LRP5: variants seen among roughly 807,000 people sequenced by gnomAD.
LRP5 encodes the protein LDL receptor related protein 5.
LRP5 carries 62 observed loss-of-function variants against 154.1 expected under a neutral mutation model. The observed-to-expected ratio is 0.40, with a 90% CI of 0.33 to 0.50. The LOEUF (loss-of-function observed/expected upper bound fraction) is 0.50. Among genes scored for constraint, LRP5 ranks in the 20% least tolerant of loss-of-function variants. The probability of loss-of-function intolerance (pLI) is 0.55; values close to 1 mark genes in which losing one functional copy is unlikely to be tolerated. For missense variants in LRP5, 1,915 were observed against 2,336.7 expected (o/e 0.82, Z 3.72); for synonymous variants, 966 against 1,011.5 (o/e 0.96, Z 0.85).
upstream of LRP5, among the ~76,000 whole-genome samples, chr11:68,310,573 T>C (rs556965789): frequency 6.6e-6 from 1 of 151,926 alleles, no homozygotes; most frequent in Admixed American, 6.6e-5. Flanking sequence ...TGAGCCAAGA[T>C]TGCCCCACTG....
At position 68,386,196 on chromosome 11, in the gene LRP5, C is replaced by A; in HGVS notation, c.1016-120C>A. On this transcript the variant is annotated intron_variant, in intron 5 of 22. Transcript: ENST00000294304. The surrounding 1 kb of genome is among the most constrained non-coding windows in gnomAD (Gnocchi z 7.9). The stretch of plus-strand genomic sequence containing the variant: ...GTGCGTGTCACCTAACATCACCAGC[C>A]TTTGCAAGGAGAGCCCTGGGGGCCT... 1.6e-6 allele frequency: 2 copies of A among 1,272,678 alleles called. No homozygotes were observed. Among genetic ancestry groups the A allele is most frequent in the Admixed American group, 3.5e-5 (2 of 57,850 alleles). The allele number at this position is 1,272,678 out of a possible 1,614,324, so 78.8% of individuals were successfully genotyped here.
chr11:68,317,768 G>A (rs2098594300), intron 1 of LRP5, among the ~76,000 whole-genome samples: 1 of 152,148 alleles, frequency 6.6e-6, no homozygotes, highest in Non-Finnish European at 1.5e-5. Context: ...GGCCTGACTC[G>A]TGGTGTGCCA....
At chr11:68,439,955 G>A (rs1484657615) in intron 21 of LRP5, 39 bp downstream of exon 21, 3 of 1,479,326 alleles carry the variant, frequency 2.0e-6, no homozygotes, top group African/African-American at 2.8e-5. Context: ...GCGGGATGGG[G>A]CTGTGGGCCC....
At chr11:68,301,788 G>A in the LRP5 span, among the ~76,000 whole-genome samples, 1 of 149,202 alleles carries the variant, frequency 6.7e-6, no homozygotes, top group Admixed American at 6.7e-5. Context: ...ACCATGCCTG[G>A]CTAATTTTTT....
intron 21 of LRP5, among the ~76,000 whole-genome samples, chr11:68,443,576 T>C (rs1565122236): frequency 2.4e-5 from 1 of 42,132 alleles, no homozygotes; most frequent in Non-Finnish European, 4.4e-5. Flanking sequence ...TATATATATA[T>C]ATATATATAT....
Position 68,413,206 on chromosome 11 carries a change from G to A in LRP5, c.2504-483G>A, listed in dbSNP as rs181355434. The A allele has an allele frequency of 2.5e-3, 666 of 269,200 alleles. 9 individuals are homozygous for A. The Admixed American group carries it at 0.028, about 12-fold the overall frequency. 16.7% of individuals were successfully genotyped at this position (269,200 alleles called of 1,614,324 possible). A position where few individuals can be genotyped will look rare whatever the true frequency, so the allele number is the denominator to read the frequency against. On this transcript the variant is annotated intron_variant, in intron 11 of 22. Coordinates refer to ENST00000294304, the MANE Select transcript of LRP5 (RefSeq NM_002335.4). The surrounding 1 kb of genome is among the most constrained non-coding windows in gnomAD (Gnocchi z 5.1). ...AAGCTCATTAATCACCCCGGAGTGA[G>A]GACAGACTCAGATGAAAACCAGCAA...
chr11:68,322,745 C>T (rs1194906982), intron 1 of LRP5, among the ~76,000 whole-genome samples: 39 of 152,262 alleles, frequency 2.6e-4, no homozygotes, highest in Admixed American at 2.5e-3. Flanking sequence ...TCCTCTGGCT[C>T]GAATTCTGCT....
chr11:68,356,136 A>G (rs186596553), intron 2 of LRP5, among the ~76,000 whole-genome samples: 4,878 of 133,078 alleles, frequency 0.037, 301 homozygotes, highest in African/African-American at 0.13. Flanking sequence ...GAGCCACCGC[A>G]CCCAGCCTTT....
In LRP5 at chr11:68,413,613, T is replaced by A; in HGVS notation, c.2504-76T>A. 1 of 1,354,728 alleles carries A rather than the reference T, an allele frequency of 7.4e-7. No individual in the cohort carries two copies. The highest frequency in any genetic ancestry group is 1.1e-6 in the Non-Finnish European group (1 of 948,096). 83.9% of individuals were successfully genotyped at this position (1,354,728 alleles called of 1,614,324 possible). ...CTAGGCTGCAGGGTTGAACCCTGGC[T>A]CACCCCGCAGGGCGCCGTGTGCTCT... On this transcript the variant is annotated intron_variant, in intron 11 of 22. Transcript: ENST00000294304. The surrounding 1 kb of genome is among the most constrained non-coding windows in gnomAD (Gnocchi z 5.1).
chr11:68,437,677 G>A (rs540131971), intron 19 of LRP5, among the ~76,000 whole-genome samples: 3 of 152,220 alleles, frequency 2.0e-5, no homozygotes, highest in African/African-American at 4.8e-5. Context: ...AAGTCTGTTG[G>A]GGGGAGAAGG....
At chr11:68,339,576 T>C (rs568360896) in intron 1 of LRP5, among the ~76,000 whole-genome samples, 2 of 151,846 alleles carry the variant, frequency 1.3e-5, no homozygotes, top group African/African-American at 4.8e-5. Flanking sequence ...TCGAACTCCT[T>C]ACCTCGTGAT....
rs1342378072 is a variant in LRP5, at chr11:68,353,830, C to G, written c.489-3820C>G. Reference sequence around the variant, plus strand: ...GCCAAAAGGATCAAGAGCCCTGCAGCCAGGGGGGCCCCTCCTGAGACTCGA... The same window carrying G: ...GCCAAAAGGATCAAGAGCCCTGCAGGCAGGGGGGCCCCTCCTGAGACTCGA... On this transcript the variant is annotated intron_variant, in intron 2 of 22. Coordinates refer to ENST00000294304, the MANE Select transcript of LRP5 (RefSeq NM_002335.4). This position sits in a 1 kb window ranked among gnomAD's most constrained non-coding sequence, Gnocchi z 4.5. Among the ~76,000 whole-genome samples, 3 of 152,196 alleles carry G rather than the reference C, an allele frequency of 2.0e-5. No homozygotes were observed. The highest frequency in any genetic ancestry group is 7.2e-5 in the African/African-American group (3 of 41,452).
At chr11:68,328,781 T>C (rs1054301113) in intron 1 of LRP5, among the ~76,000 whole-genome samples, 6 of 152,212 alleles carry the variant, frequency 3.9e-5, no homozygotes, top group Non-Finnish European at 8.8e-5. Context: ...GTCTGTGTTA[T>C]CTGGAGTCGA....
At chr11:68,431,430 G>C (rs1036004227) in intron 17 of LRP5, among the ~76,000 whole-genome samples, 1 of 151,832 alleles carries the variant, frequency 6.6e-6, no homozygotes, top group African/African-American at 2.4e-5. Context: ...AGTAGAGATG[G>C]TGTTTCACCA....
the LRP5 span, among the ~76,000 whole-genome samples, chr11:68,305,168 G>A: frequency 6.6e-6 from 1 of 151,976 alleles, no homozygotes; most frequent in African/African-American, 2.4e-5. Flanking sequence ...GGGTCATGGG[G>A]GCAGACCCCT....
intron 1 of LRP5, among the ~76,000 whole-genome samples, chr11:68,341,056 G>GTTTTTTTTTTT (rs1466472469): frequency 1.2e-4 from 6 of 51,436 alleles, no homozygotes; most frequent in Admixed American, 4.5e-4. Context: ...GCTGGAGATT[G>GTTTTTTTTTTT]TTCTTTTTTT....
intron 5 of LRP5, among the ~76,000 whole-genome samples, chr11:68,377,980 C>T (rs535273538): frequency 7.2e-5 from 11 of 152,128 alleles, no homozygotes; most frequent in South Asian, 6.2e-4. Context: ...TGGGAGCCTC[C>T]GGGGGCCACT....
rs78471927 is a variant in LRP5 at position 68,447,037 on chromosome 11, C to T, written c.4586+504C>T. On this transcript the variant is annotated intron_variant, in intron 22 of 22. Coordinates refer to ENST00000294304, the MANE Select transcript of LRP5 (RefSeq NM_002335.4). The surrounding 1 kb of genome is among the most constrained non-coding windows in gnomAD (Gnocchi z 4.3). ...CTTGCCACAGTGGCCTGTTTGAGCC[C>T]GGGAAGCCAACGGGGCTGCTCAGCT... is the stretch of plus-strand genomic sequence containing the variant. The T allele has an allele frequency of 3.8e-5, 7 of 183,816 alleles. No individual in the cohort carries two copies. Among genetic ancestry groups the T allele is most frequent in the Admixed American group, 5.5e-5 (1 of 18,162 alleles). The allele number at this position is 183,816 out of a possible 1,614,324, so 11.4% of individuals were successfully genotyped here. A position where few individuals can be genotyped will look rare whatever the true frequency, so the allele number is the denominator to read the frequency against.
At chr11:68,400,309 A>G (rs575269516) in intron 7 of LRP5, among the ~76,000 whole-genome samples, 2 of 152,270 alleles carry the variant, frequency 1.3e-5, no homozygotes, top group South Asian at 4.1e-4. Flanking sequence ...CTCTTCAATG[A>G]AGCCAGGGAA....
Sources: allele counts gnomAD v4.1 joint callset (sites outside exome capture counted in the v4.1 genomes callset), GRCh38; gene constraint gnomAD v4.1.1; non-coding constraint Gnocchi (gnomAD v3.1); transcripts MANE v1.5; gene names NCBI Gene and HGNC (gene_info 2026-07-23, HGNC 2026-07-21).